The following ATG4B variants were observed in gnomAD, a reference collection of about 807,000 sequenced individuals.
The protein encoded by ATG4B is cysteine protease ATG4B.
A neutral mutation model predicts 56.6 loss-of-function variants in ATG4B; 29 were observed. The observed-to-expected ratio is 0.51, with a 90% CI of 0.38 to 0.70. The LOEUF (loss-of-function observed/expected upper bound fraction) is 0.70. ATG4B is among the 30% of genes least tolerant of loss of function. ATG4B has a pLI of 0.00. For synonymous variants in ATG4B, 224 were observed against 206.1 expected (o/e 1.09, Z -0.74); for missense variants, 461 against 515.5 (o/e 0.89, Z 1.02).
intron 10 of ATG4B, 145 bp from the exon 11 acceptor site, chr2:241,670,581 C>T (rs2068934552): frequency 2.5e-6 from 2 of 788,110 alleles, no homozygotes; most frequent in East Asian, 2.7e-5. Flanking sequence ...CGTTCCTGGC[C>T]ACAGGAGCCA....
At position 241,668,079 on chromosome 2, in the gene ATG4B, CAGTG is replaced by C. The variant is rs2068835607; in HGVS notation, c.733-63_733-60del. The C allele has an allele frequency of 6.6e-7, 1 of 1,510,284 alleles. No individual in the cohort carries two copies. The highest frequency in any genetic ancestry group is 9.0e-7 in the Non-Finnish European group (1 of 1,113,898). 93.6% of individuals were successfully genotyped at this position (1,510,284 alleles called of 1,614,324 possible). On this transcript the variant is annotated intron_variant, in intron 8 of 12. Coordinates refer to ENST00000404914, the MANE Select transcript of ATG4B (RefSeq NM_013325.5). The surrounding 1 kb of genome is among the most constrained non-coding windows in gnomAD (Gnocchi z 4.2). ...CAGCAGGCCCTTGGGCCCCCTATGGCAGTGGGTGGGGGGACCGTCTGCTCCCACC... is the reference window on the plus strand; with the variant it reads ...CAGCAGGCCCTTGGGCCCCCTATGGCGGTGGGGGGACCGTCTGCTCCCACC...
At chr2:241,649,457 T>C (rs1482826916) in intron 1 of ATG4B, among the ~76,000 whole-genome samples, 1 of 152,246 alleles carries the variant, frequency 6.6e-6, no homozygotes, top group Non-Finnish European at 1.5e-5. Context: ...GAAATTCATA[T>C]GTGATTGATT....
At chr2:241,645,708 G>A (rs557408426) in intron 1 of ATG4B, among the ~76,000 whole-genome samples, 1 of 152,322 alleles carries the variant, frequency 6.6e-6, no homozygotes, top group South Asian at 2.1e-4. Flanking sequence ...GGTGTGACGT[G>A]TGGACACTCC....
chr2:241,647,849 C>CA (rs916310710), intron 1 of ATG4B, among the ~76,000 whole-genome samples: 2 of 152,040 alleles, frequency 1.3e-5, no homozygotes, highest in African/African-American at 4.8e-5. Context: ...TGCTGTGGCT[C>CA]ACGCCTGTAA....
intron 10 of ATG4B, chr2:241,670,487 G>A (rs542359443): frequency 1.3e-4 from 75 of 590,430 alleles, no homozygotes; most frequent in Non-Finnish European, 2.1e-4. Context: ...TCTCGTGGGC[G>A]AATCAAGGCA....
chr2:241,666,845 C>T lies in ATG4B; in HGVS notation c.732+7C>T, dbSNP rs1166014474. ...CTACGTGGAGACGCTGAAGGTGGGTCCTGCCGTGCGGCGCTTGCCCTGAGT... is the reference window on the plus strand; with the variant it reads ...CTACGTGGAGACGCTGAAGGTGGGTTCTGCCGTGCGGCGCTTGCCCTGAGT... On this transcript the variant is annotated splice_region_variant and intron_variant, in intron 8 of 12. Coordinates refer to ENST00000404914, the MANE Select transcript of ATG4B (RefSeq NM_013325.5). 6.4e-7 allele frequency: 1 copy of T among 1,553,774 alleles called. No individual in the cohort carries two copies.
intron 12 of ATG4B, 72 bp downstream of exon 12, chr2:241,671,477 C>T (rs778452919): frequency 6.3e-7 from 1 of 1,578,352 alleles, no homozygotes; most frequent in African/African-American, 1.4e-5. Context: ...AGTCCTGGCC[C>T]CCTTGGTTTT....
intron 1 of ATG4B, among the ~76,000 whole-genome samples, chr2:241,648,519 T>C (rs556287376): frequency 6.0e-5 from 9 of 150,622 alleles, no homozygotes; most frequent in Non-Finnish European, 8.8e-5. Flanking sequence ...TGATTGAGCC[T>C]GGGAGTTTGA....
At chr2:241,664,761 C>T (rs752879678) in intron 7 of ATG4B, among the ~76,000 whole-genome samples, 2 of 151,812 alleles carry the variant, frequency 1.3e-5, no homozygotes, top group Non-Finnish European at 1.5e-5. Flanking sequence ...GTCAGGAGTT[C>T]GAGACCAGCC....
rs1366318327 is a variant in ATG4B at position 241,670,746 on chromosome 2, A to G, written c.978A>G (p.Glu326=). 5 of 1,611,226 alleles carry G rather than the reference A, an allele frequency of 3.1e-6. No individual in the cohort carries two copies. Among genetic ancestry groups the G allele is most frequent in the Admixed American group, 1.7e-5 (1 of 59,490 alleles). ...TTTAGGGGTTTTTCTGTAAGACTGA[A>G]GATGACTTCAATGATTGGTGCCAGC... ...SIAVGFFCKT[E]DDFNDWCQQV... The change falls in exon 11 of 13, where the codon GAA becomes GAG. Residue 326 remains glutamate (E), a synonymous_variant. Transcript: ENST00000404914.
chr2:241,643,586 G>A (rs1485917637), intron 1 of ATG4B, among the ~76,000 whole-genome samples: 1 of 147,592 alleles, frequency 6.8e-6, no homozygotes, highest in African/African-American at 2.5e-5. Flanking sequence ...ATGTATATAT[G>A]TACATATATA....
At position 241,673,114 on chromosome 2, in the gene ATG4B, C is replaced by G. The variant is rs1030832458; in HGVS notation, c.*850C>G. 1.1e-5 allele frequency: 2 copies of G among 185,412 alleles called. No individual in the cohort carries two copies. The highest frequency in any genetic ancestry group is 2.3e-5 in the Non-Finnish European group (2 of 86,844). 11.5% of individuals were successfully genotyped at this position (185,412 alleles called of 1,614,324 possible). A position where few individuals can be genotyped will look rare whatever the true frequency, so the allele number is the denominator to read the frequency against. On this transcript the variant is annotated 3_prime_UTR_variant, in exon 13 of 13. Coordinates refer to ENST00000404914, the MANE Select transcript of ATG4B (RefSeq NM_013325.5). ...CGGCGTGCCTCTCCCAGGAGCCTTCCCCATGTCCTTGCCTTGCTGAGAATT... is the reference window on the plus strand; with the variant it reads ...CGGCGTGCCTCTCCCAGGAGCCTTCGCCATGTCCTTGCCTTGCTGAGAATT...
Position 241,668,371 on chromosome 2 carries a change from C to T in ATG4B, c.811+150C>T. 2.9e-6 allele frequency: 4 copies of T among 1,358,426 alleles called. No individual in the cohort carries two copies. The highest frequency in any genetic ancestry group is 1.3e-5 in the South Asian group (1 of 79,458). The allele number at this position is 1,358,426 out of a possible 1,614,324, so 84.1% of individuals were successfully genotyped here. ...CATTTTCAGCCTGGTCGCGGGCGGCCTCCTGTGTGCCCCTTTCCCTGATGG... is the reference window on the plus strand; with the variant it reads ...CATTTTCAGCCTGGTCGCGGGCGGCTTCCTGTGTGCCCCTTTCCCTGATGG... On this transcript the variant is annotated intron_variant, in intron 9 of 12. Transcript: ENST00000404914. The surrounding 1 kb of genome is among the most constrained non-coding windows in gnomAD (Gnocchi z 4.2).
At chr2:241,643,608 A>G (rs985733389) in intron 1 of ATG4B, among the ~76,000 whole-genome samples, 2 of 149,526 alleles carry the variant, frequency 1.3e-5, no homozygotes, top group Non-Finnish European at 3.0e-5. Flanking sequence ...ATAAACATAT[A>G]TATACGTATA....
rs375611065 is a variant in ATG4B, at chr2:241,666,730, C to T, written c.624C>T (p.Ala208=). Residue 208 remains alanine (A), a synonymous_variant, in exon 8 of 13, where the codon GCC becomes GCT. Coordinates refer to ENST00000404914, the MANE Select transcript of ATG4B (RefSeq NM_013325.5). ...DSDRHCNGFP[A]GAEVTNRPSP... is the part of the protein sequence containing the mutation. ...ACCGGCACTGCAACGGATTCCCTGC[C>T]GGAGCTGAGGTCACCAACAGGCCGT... is the stretch of plus-strand genomic sequence containing the variant. 3.2e-5 allele frequency: 51 copies of T among 1,611,460 alleles called. No individual in the cohort carries two copies. The highest frequency in any genetic ancestry group is 6.7e-5 in the East Asian group (3 of 44,808).
chr2:241,640,730 T>C (rs951549518), intron 1 of ATG4B, among the ~76,000 whole-genome samples: 14 of 152,104 alleles, frequency 9.2e-5, no homozygotes, highest in Non-Finnish European at 1.9e-4. Context: ...TGACGAAGAC[T>C]TAAAGCAGTG....
rs542661014 is a variant in ATG4B, at chr2:241,655,934, C to T, written c.458+591C>T. 3.6e-4 allele frequency among the ~76,000 whole-genome samples: 55 copies of T among 152,352 alleles called. 3 individuals are homozygous for T. In the South Asian group the frequency reaches 0.01, roughly 28 times the overall value. ...TCAGCTTCGTGTCCACTCTTCACTC[C>T]TCTTGACCCATCCAGGGTCATTTGG... On this transcript the variant is annotated intron_variant, in intron 6 of 12. Transcript: ENST00000404914.
intron 6 of ATG4B, among the ~76,000 whole-genome samples, chr2:241,657,349 G>T (rs2068441729): frequency 6.8e-6 from 1 of 147,914 alleles, no homozygotes; most frequent in African/African-American, 2.5e-5. Context: ...CCAGGCTGGA[G>T]TGCAGTGGTG....
chr2:241,657,955 G>T (rs2068460562), intron 6 of ATG4B, among the ~76,000 whole-genome samples: 1 of 151,824 alleles, frequency 6.6e-6, no homozygotes, highest in Non-Finnish European at 1.5e-5. Flanking sequence ...GTGGTGCCTG[G>T]CACTTGGACC....
Sources: gnomAD v4.1 joint callset for allele counts (sites outside exome capture counted in the v4.1 genomes callset) on GRCh38, gnomAD v4.1.1 for gene constraint, Gnocchi (gnomAD v3.1) non-coding constraint, MANE v1.5 for transcripts, NCBI Gene and HGNC (gene_info 2026-07-23, HGNC 2026-07-21) for gene names.